AOAH: variants seen among roughly 807,000 people sequenced by gnomAD.
The protein encoded by AOAH is acyloxyacyl hydrolase.
In AOAH, 64 loss-of-function variants were observed where a neutral mutation model predicts 92.2. The observed-to-expected ratio is 0.69, with a 90% CI of 0.57 to 0.86. AOAH has a LOEUF of 0.86. Ranked by LOEUF, AOAH falls within the 40% of genes least tolerant of loss-of-function variation. The pLI, the probability that AOAH is intolerant of heterozygous loss-of-function variation, is 0.00. For synonymous variants in AOAH, 263 were observed against 254.5 expected, an observed-to-expected ratio of 1.03 and a Z score of -0.32; for missense variants, 656 against 694.6, an observed-to-expected ratio of 0.94 and a Z score of 0.62.
chr7:36,663,004 C>T (rs947540535), intron 3 of AOAH, among the ~76,000 whole-genome samples: 2 of 152,210 alleles, frequency 1.3e-5, no homozygotes, highest in African/African-American at 4.8e-5. Context: ...GGCATGTGTA[C>T]TCTTGCTCAG....
intron 1 of AOAH, among the ~76,000 whole-genome samples, chr7:36,712,894 G>T (rs1191915991): frequency 2.0e-5 from 3 of 152,142 alleles, no homozygotes; most frequent in Admixed American, 1.3e-4. Context: ...ATTTTAAAGA[G>T]CATCGAGGCT....
At chr7:36,668,900 C>G (rs772439626) in intron 3 of AOAH, among the ~76,000 whole-genome samples, 2 of 152,210 alleles carry the variant, frequency 1.3e-5, no homozygotes, top group Non-Finnish European at 2.9e-5. Flanking sequence ...AATGTTGAAC[C>G]TATCACATTT....
chr7:36,693,974 C>T (rs1797560786), intron 1 of AOAH, among the ~76,000 whole-genome samples: 3 of 152,102 alleles, frequency 2.0e-5, no homozygotes, highest in Non-Finnish European at 2.9e-5. Context: ...GAGGTAAATG[C>T]CAAACATGTT....
chr7:36,712,442 A>G (rs1254841708), intron 1 of AOAH, among the ~76,000 whole-genome samples: 1 of 152,256 alleles, frequency 6.6e-6, no homozygotes, highest in East Asian at 1.9e-4. Flanking sequence ...TTAAATGTCA[A>G]TGACTTAGAA....
At chr7:36,617,476 G>C (rs900150720) in intron 10 of AOAH, among the ~76,000 whole-genome samples, 19 of 152,124 alleles carry the variant, frequency 1.2e-4, no homozygotes, top group Admixed American at 3.9e-4. Context: ...AGACAATTAG[G>C]CTTTAAGTTG....
chr7:36,700,883 G>A (rs1055301051), intron 1 of AOAH, among the ~76,000 whole-genome samples: 1 of 151,958 alleles, frequency 6.6e-6, no homozygotes, highest in African/African-American at 2.4e-5. Flanking sequence ...ATTCTAACTA[G>A]CATAAGATGA....
chr7:36,628,416 C>T (rs942496238), intron 6 of AOAH, among the ~76,000 whole-genome samples: 6 of 152,176 alleles, frequency 3.9e-5, no homozygotes, highest in African/African-American at 1.4e-4. Context: ...GATAGCTACA[C>T]ATTTGTTTTC....
At chr7:36,663,939 T>C (rs1795376714) in intron 3 of AOAH, among the ~76,000 whole-genome samples, 1 of 152,202 alleles carries the variant, frequency 6.6e-6, no homozygotes, top group East Asian at 1.9e-4. Context: ...TTGTTTTAAT[T>C]TGCAGTCCTC....
intron 20 of AOAH, 65 bp from the exon 21 acceptor site, chr7:36,513,445 T>C: frequency 6.5e-7 from 1 of 1,538,612 alleles, no homozygotes; most frequent in Non-Finnish European, 8.9e-7. Context: ...CCAACAAGAT[T>C]TCCCACGTGC....
chr7:36,530,777 G>A (rs1784646380), intron 18 of AOAH: 6 of 336,100 alleles, frequency 1.8e-5, no homozygotes, highest in Middle Eastern at 8.5e-4. Flanking sequence ...ACTGGCAAAG[G>A]TAAGATAACC....
chr7:36,632,120 A>G lies in AOAH; in HGVS notation c.451-14T>C, dbSNP rs765900786. ...TCTAGAATATTTCTGGGGAGAAAAA[A>G]AAAAACAAAAAGAGAGTTGTTTAGT... On this transcript the variant is annotated splice_polypyrimidine_tract_variant and intron_variant, in intron 5 of 20. Transcript: ENST00000617537. The G allele has an allele frequency of 1.5e-5, 24 of 1,599,322 alleles. No individual in the cohort carries two copies. Among genetic ancestry groups the G allele is most frequent in the Non-Finnish European group, 2.0e-5 (23 of 1,173,810 alleles).
intron 13 of AOAH, among the ~76,000 whole-genome samples, chr7:36,556,998 T>G (rs1488920394): frequency 6.6e-6 from 1 of 151,848 alleles, no homozygotes; most frequent in Non-Finnish European, 1.5e-5. Flanking sequence ...AAAGTTAATA[T>G]TGTTATGTGT....
chr7:36,530,093 T>C (rs1784600887), intron 19 of AOAH, among the ~76,000 whole-genome samples: 1 of 152,186 alleles, frequency 6.6e-6, no homozygotes, highest in African/African-American at 2.4e-5. Context: ...ACCAGGGCTT[T>C]TAACCCGACA....
chr7:36,711,386 G>A (rs1271054823), intron 1 of AOAH, among the ~76,000 whole-genome samples: 1 of 151,562 alleles, frequency 6.6e-6, no homozygotes, highest in Non-Finnish European at 1.5e-5. Context: ...TACTTCCTTT[G>A]TTCCTGAAGC....
intron 13 of AOAH, among the ~76,000 whole-genome samples, chr7:36,553,561 C>T (rs556077257): frequency 2.5e-3 from 376 of 152,128 alleles, no homozygotes; most frequent in African/African-American, 8.6e-3. Context: ...GGAATCGCCA[C>T]GCTGATTTCC....
chr7:36,680,147 C>A (rs995709134), intron 2 of AOAH, among the ~76,000 whole-genome samples: 2 of 152,176 alleles, frequency 1.3e-5, no homozygotes, highest in African/African-American at 4.8e-5. Context: ...GCATATGATT[C>A]TGTTGACCCC....
At position 36,580,249 on chromosome 7, in the gene AOAH, GT is replaced by G. The variant is rs370875062; in HGVS notation, c.939-3594del. 4.3e-4 allele frequency among the ~76,000 whole-genome samples: 65 copies of G among 152,056 alleles called. No homozygotes were observed. In the East Asian group the frequency reaches 5.0e-3, roughly 12 times the overall value. ...CTGAACCGGTCTTGTAATTTTCCCT[GT>G]TTCTCTGTCCTATTTTCATGTCATG... On this transcript the variant is annotated intron_variant, in intron 12 of 20. Coordinates refer to ENST00000617537, the MANE Select transcript of AOAH (RefSeq NM_001637.4).
intron 11 of AOAH, among the ~76,000 whole-genome samples, chr7:36,603,922 T>C (rs1410998617): frequency 2.0e-5 from 3 of 152,248 alleles, no homozygotes; most frequent in African/African-American, 7.2e-5. Flanking sequence ...TTTCTCTGTC[T>C]ATATTCTGCT....
intron 4 of AOAH, among the ~76,000 whole-genome samples, chr7:36,656,539 C>G (rs1308575858): frequency 6.6e-6 from 1 of 151,776 alleles, no homozygotes; most frequent in East Asian, 1.9e-4. Context: ...TTTAACTTGC[C>G]GGCTGCTCTA....
Sources: allele counts gnomAD v4.1 joint callset (sites outside exome capture counted in the v4.1 genomes callset), GRCh38; gene constraint gnomAD v4.1.1; transcripts MANE v1.5; gene names NCBI Gene and HGNC (gene_info 2026-07-23, HGNC 2026-07-21).